The following KCNG2 variants were observed in gnomAD, a reference collection of about 807,000 sequenced individuals.
KCNG2 encodes voltage-gated potassium channel regulatory subunit KCNG2.
Under a neutral mutation model 12.3 loss-of-function variants are expected in KCNG2, and 7 were observed. The ratio of observed to expected loss-of-function variants is 0.57; its 90% CI spans 0.32 to 1.07. The LOEUF (loss-of-function observed/expected upper bound fraction) is 1.07, where lower values mean the gene tolerates loss of function less well. Among genes scored for constraint, KCNG2 ranks in the 50% least tolerant of loss-of-function variants. KCNG2 has a pLI of 0.04. For synonymous variants in KCNG2, 414 were observed against 351.4 expected, an observed-to-expected ratio of 1.18 and a Z score of -1.99; for missense variants, 703 against 726.0, an observed-to-expected ratio of 0.97 and a Z score of 0.36.
At chr18:79,896,259 C>A (rs959640709) in intron 3 of KCNG2, among the ~76,000 whole-genome samples, 15 of 152,358 alleles carry the variant, frequency 9.8e-5, no homozygotes, top group Non-Finnish European at 1.9e-4. Flanking sequence ...AGCCACCACA[C>A]CCAGCCCACT....
chr18:79,874,414 G>A (rs113180847), intron 3 of KCNG2, among the ~76,000 whole-genome samples: 5,082 of 152,286 alleles, frequency 0.033, 308 homozygotes, highest in African/African-American at 0.11. Context: ...CCCCGAGGGG[G>A]GAGCCACTCC....
At chr18:79,872,280 G>GTTTT (rs1162742507) in intron 3 of KCNG2, among the ~76,000 whole-genome samples, 1,501 of 73,240 alleles carry the variant, frequency 0.02, 236 homozygotes, top group African/African-American at 0.024. Flanking sequence ...CAAAGCTTCA[G>GTTTT]TTTTTTTTTT....
At chr18:79,869,077 G>A (rs922321630) in intron 3 of KCNG2, among the ~76,000 whole-genome samples, 4 of 152,160 alleles carry the variant, frequency 2.6e-5, no homozygotes, top group Non-Finnish European at 4.4e-5. Context: ...TGCAGGAGCC[G>A]TGAGCACCCC....
intron 1 of KCNG2, among the ~76,000 whole-genome samples, chr18:79,802,072 C>T (rs936513619): frequency 2.6e-5 from 4 of 152,278 alleles, no homozygotes; most frequent in African/African-American, 4.8e-5. Context: ...ATGTGACTTG[C>T]GTTTTCATAG....
intron 1 of KCNG2, among the ~76,000 whole-genome samples, chr18:79,851,225 G>T (rs752735332): frequency 2.6e-5 from 4 of 152,154 alleles, no homozygotes; most frequent in Non-Finnish European, 4.4e-5. Flanking sequence ...TGTGATAAAG[G>T]ATTGATTTTC....
chr18:79,809,618 T>A (rs1432101814), intron 1 of KCNG2, among the ~76,000 whole-genome samples: 1 of 147,542 alleles, frequency 6.8e-6, no homozygotes, highest in Non-Finnish European at 1.5e-5. Context: ...GGTCCCAGAG[T>A]CCTCGCCCTG....
intron 3 of KCNG2, among the ~76,000 whole-genome samples, chr18:79,888,534 C>T (rs1315663024): frequency 1.3e-5 from 2 of 150,036 alleles, no homozygotes; most frequent in Admixed American, 1.4e-4. Context: ...GCGTCCTCCT[C>T]ATGAGGCCGC....
chr18:79,859,419 A>C (rs988705177), intron 2 of KCNG2, among the ~76,000 whole-genome samples: 5 of 152,220 alleles, frequency 3.3e-5, no homozygotes, highest in Admixed American at 6.5e-5. Context: ...GTCATGGCAG[A>C]AGATGGCGTG....
At chr18:79,859,674 C>T (rs536368898) in intron 2 of KCNG2, among the ~76,000 whole-genome samples, 52 of 152,308 alleles carry the variant, frequency 3.4e-4, no homozygotes, top group African/African-American at 1.1e-3. Context: ...CAAACGATAG[C>T]AGGGTCCAAC....
intron 1 of KCNG2, among the ~76,000 whole-genome samples, chr18:79,841,031 G>T (rs774672694): frequency 6.6e-6 from 1 of 152,182 alleles, no homozygotes; most frequent in Non-Finnish European, 1.5e-5. Context: ...CACTTCTGGA[G>T]GTTGAGGCGG....
At chr18:79,885,114 A>G (rs1382943139) in intron 3 of KCNG2, among the ~76,000 whole-genome samples, 2 of 152,214 alleles carry the variant, frequency 1.3e-5, no homozygotes, top group East Asian at 3.9e-4. Context: ...TGCTCAGAGC[A>G]CAGAACATCG....
At chr18:79,812,736 C>CTGTA (rs1357578678) in intron 1 of KCNG2, among the ~76,000 whole-genome samples, 1 of 152,084 alleles carries the variant, frequency 6.6e-6, no homozygotes, top group East Asian at 1.9e-4. Context: ...TGGTGCGCAC[C>CTGTA]TGTACTCCCA....
intron 3 of KCNG2, among the ~76,000 whole-genome samples, chr18:79,885,873 C>T (rs1599431023): frequency 2.2e-5 from 1 of 46,416 alleles, no homozygotes; most frequent in East Asian, 7.3e-4. Context: ...AACATAGGGA[C>T]GTGGGGACGG....
intron 1 of KCNG2, among the ~76,000 whole-genome samples, chr18:79,842,555 T>C (rs1235261898): frequency 2.0e-5 from 3 of 151,962 alleles, no homozygotes; most frequent in African/African-American, 7.2e-5. Context: ...GAATTCAAAA[T>C]AATAATCTTA....
chr18:79,899,682 G>C lies in KCNG2; in HGVS notation c.1267G>C (p.Ala423Pro). Residue 423 changes from alanine to proline, a missense_variant, in exon 4 of 4, where the codon GCC becomes CCC. Ala to Pro is a conservative substitution (Grantham distance 27, BLOSUM62 -1). Coordinates refer to ENST00000316249, the MANE Select transcript of KCNG2 (RefSeq NM_012283.2). ...SELKEQQQRA[A>P]SPEPALQEDS... ...GCTCAAGGAGCAGCAGCAGCGCGCG[G>C]CCAGCCCCGAGCCGGCCCTGCAGGA... The C allele has an allele frequency of 2.5e-6, 4 of 1,607,760 alleles. No individual in the cohort carries two copies. The highest frequency in any genetic ancestry group is 3.4e-6 in the Non-Finnish European group (4 of 1,178,084).
Position 79,864,103 on chromosome 18 carries a change from C to A in KCNG2, c.436C>A (p.Pro146Thr). ...GACGGAGCGCGGGGCGCAGGGGAGCCCGGCGCGCGCCCTGGGACCTCGGGG... is the reference window on the plus strand; with the variant it reads ...GACGGAGCGCGGGGCGCAGGGGAGCACGGCGCGCGCCCTGGGACCTCGGGG... Reference protein sequence around the residue: ...GPTERGAQGSPARALGPRGRL... With the variant: ...GPTERGAQGSTARALGPRGRL... Residue 146 changes from proline (P) to threonine (T), a missense_variant, in exon 3 of 4, where the codon CCG (proline) becomes ACG (threonine). Transcript: ENST00000316249. 1 of 1,111,196 alleles carries A rather than the reference C, an allele frequency of 9.0e-7. No individual in the cohort carries two copies. Among genetic ancestry groups the A allele is most frequent in the Non-Finnish European group, 1.1e-6 (1 of 912,322 alleles). 68.8% of individuals were successfully genotyped at this position (1,111,196 alleles called of 1,614,324 possible).
Position 79,806,362 on chromosome 18 carries a change from C to T in KCNG2, c.-115+8348C>T, listed in dbSNP as rs1038669611. ...GAGCATTCATGGTCTCAGACAAGGCCGCTGTGTCAGGGTTTGGGGTGTGGG... is the reference window on the plus strand; with the variant it reads ...GAGCATTCATGGTCTCAGACAAGGCTGCTGTGTCAGGGTTTGGGGTGTGGG... On this transcript the variant is annotated intron_variant, in intron 1 of 3. Coordinates refer to ENST00000316249, the MANE Select transcript of KCNG2 (RefSeq NM_012283.2). Among the ~76,000 whole-genome samples, 12 of 152,206 alleles carry T rather than the reference C, an allele frequency of 7.9e-5. No individual in the cohort carries two copies. In the East Asian group the frequency reaches 1.4e-3, roughly 17 times the overall value.
At chr18:79,812,716 C>G (rs2087500733) in intron 1 of KCNG2, among the ~76,000 whole-genome samples, 1 of 152,090 alleles carries the variant, frequency 6.6e-6, no homozygotes, top group Non-Finnish European at 1.5e-5. Context: ...CAAAAATTAG[C>G]CAGGCGTGGT....
intron 1 of KCNG2, among the ~76,000 whole-genome samples, chr18:79,804,631 C>T (rs752096688): frequency 1.2e-4 from 18 of 152,310 alleles, no homozygotes; most frequent in South Asian, 2.1e-4. Flanking sequence ...TGATGTGAAC[C>T]GTGGTTGTCG....
Sources: allele counts gnomAD v4.1 joint callset (sites outside exome capture counted in the v4.1 genomes callset), GRCh38; gene constraint gnomAD v4.1.1; transcripts MANE v1.5; gene names NCBI Gene and HGNC (gene_info 2026-07-23, HGNC 2026-07-21).